The following ARHGEF28 variants were observed in gnomAD, a reference collection of about 807,000 sequenced individuals.
ARHGEF28 encodes 190 kDa guanine nucleotide exchange factor.
ARHGEF28 carries 152 observed loss-of-function variants against 206.6 expected under a neutral mutation model. The observed-to-expected ratio is 0.74, with a 90% CI of 0.64 to 0.84. The LOEUF is 0.84. ARHGEF28 is among the 40% of genes least tolerant of loss of function. The pLI, the probability that ARHGEF28 is intolerant of heterozygous loss-of-function variation, is 0.00. For synonymous variants in ARHGEF28, 763 were observed against 776.4 expected, an observed-to-expected ratio of 0.98 and a Z score of 0.29; for missense variants, 2,028 against 2,073.2, an observed-to-expected ratio of 0.98 and a Z score of 0.42.
chr5:73,864,994 C>A (rs1405930653), intron 17 of ARHGEF28, 122 bp downstream of exon 17: 2 of 811,902 alleles, frequency 2.5e-6, no homozygotes, highest in Non-Finnish European at 3.9e-6. Context: ...ATAGCGATAA[C>A]ATAACATATG....
Position 73,941,157 on chromosome 5 carries a change from T to G in ARHGEF28, c.*144T>G, listed in dbSNP as rs1255852561. On this transcript the variant is annotated 3_prime_UTR_variant, in exon 36 of 36. Transcript: ENST00000513042. ...AATATTTCCTGGAAGCTCATTTTTT[T>G]GGCATGAGTCTAATTAAATTATTGA... is the stretch of plus-strand genomic sequence containing the variant. 1 of 800,614 alleles carries G rather than the reference T, an allele frequency of 1.2e-6. No homozygotes were observed. Among genetic ancestry groups the G allele is most frequent in the East Asian group, 3.6e-5 (1 of 27,646 alleles). The allele number at this position is 800,614 out of a possible 1,614,324, so 49.6% of individuals were successfully genotyped here.
At chr5:73,856,390 G>T (rs1359305272) in intron 14 of ARHGEF28, among the ~76,000 whole-genome samples, 5 of 152,066 alleles carry the variant, frequency 3.3e-5, no homozygotes, top group Admixed American at 6.6e-5. Context: ...CATTTACTGT[G>T]CAGGCTTTAA....
chr5:73,885,991 A>G lies in ARHGEF28; in HGVS notation c.3197A>G (p.Tyr1066Cys). Residue 1066 changes from tyrosine to cysteine, a missense_variant, in exon 25 of 36, where the codon TAC becomes TGC. Coordinates refer to ENST00000513042, the MANE Select transcript of ARHGEF28 (RefSeq NM_001177693.2). ...EILNKIENKTYTKLKNGHVFR... is the reference protein window; with the variant it reads ...EILNKIENKTCTKLKNGHVFR... ...CTAAATAAGATTGAAAACAAAACAT[A>G]CACGAAGCTCAAAAATGGACATGTG... The G allele has an allele frequency of 6.2e-7, 1 of 1,613,876 alleles. No individual in the cohort carries two copies. The highest frequency in any genetic ancestry group is 8.5e-7 in the Non-Finnish European group (1 of 1,179,848).
intron 35 of ARHGEF28, among the ~76,000 whole-genome samples, chr5:73,929,351 G>A (rs1169140241): frequency 1.3e-5 from 2 of 152,052 alleles, no homozygotes; most frequent in African/African-American, 4.8e-5. Context: ...TCATCCATAA[G>A]CATTTCAGTA....
intron 35 of ARHGEF28, among the ~76,000 whole-genome samples, chr5:73,914,652 C>A (rs933417363): frequency 6.6e-6 from 1 of 152,094 alleles, no homozygotes; most frequent in African/African-American, 2.4e-5. Flanking sequence ...TGGCCTTGGC[C>A]TCCCAAAGTG....
chr5:73,801,237 G>C (rs1479260873), intron 9 of ARHGEF28, among the ~76,000 whole-genome samples: 1 of 152,064 alleles, frequency 6.6e-6, no homozygotes, highest in Non-Finnish European at 1.5e-5. Context: ...ACGAGGTCGG[G>C]AGATCGAGAC....
At chr5:73,920,357 G>A (rs1271150083) in intron 35 of ARHGEF28, among the ~76,000 whole-genome samples, 1 of 152,064 alleles carries the variant, frequency 6.6e-6, no homozygotes, top group Non-Finnish European at 1.5e-5. Context: ...CATTAGTATT[G>A]GAGTAAATTT....
At chr5:73,691,323 A>G (rs1468851385) in intron 2 of ARHGEF28, among the ~76,000 whole-genome samples, 3 of 148,982 alleles carry the variant, frequency 2.0e-5, no homozygotes, top group Non-Finnish European at 4.5e-5. Context: ...ACACACACTC[A>G]TGATATTTCA....
intron 3 of ARHGEF28, among the ~76,000 whole-genome samples, chr5:73,751,646 C>T (rs76971468): frequency 0.031 from 4,779 of 152,062 alleles, 260 homozygotes; most frequent in African/African-American, 0.11. Context: ...CATGTGGTGG[C>T]GACTCTCCTC....
chr5:73,904,630 C>T, intron 33 of ARHGEF28: 1 of 524,854 alleles, frequency 1.9e-6, no homozygotes, highest in Non-Finnish European at 3.3e-6. Context: ...TAAAACAGTT[C>T]ATATCTTTAA....
intron 1 of ARHGEF28, among the ~76,000 whole-genome samples, chr5:73,650,620 A>G (rs1016288120): frequency 2.0e-5 from 3 of 151,518 alleles, no homozygotes; most frequent in Non-Finnish European, 4.4e-5. Flanking sequence ...ACCTGTATAC[A>G]TAGGCTTCTT....
chr5:73,813,788 T>C, intron 9 of ARHGEF28: 2 of 1,091,922 alleles, frequency 1.8e-6, no homozygotes, highest in Non-Finnish European at 2.6e-6. Flanking sequence ...TATACGTGCC[T>C]TTATAAAACA....
intron 35 of ARHGEF28, chr5:73,923,080 C>A: frequency 6.5e-7 from 1 of 1,535,084 alleles, no homozygotes; most frequent in Non-Finnish European, 8.7e-7. Flanking sequence ...CCATATTTTG[C>A]ATTCAGGCTC....
At chr5:73,840,214 A>G (rs1332263167) in intron 10 of ARHGEF28, among the ~76,000 whole-genome samples, 1 of 152,116 alleles carries the variant, frequency 6.6e-6, no homozygotes, top group Non-Finnish European at 1.5e-5. Context: ...CCTCCCATTC[A>G]GGCCATTCTC....
At chr5:73,682,642 C>A (rs1291088113) in intron 1 of ARHGEF28, among the ~76,000 whole-genome samples, 1 of 152,164 alleles carries the variant, frequency 6.6e-6, no homozygotes, top group South Asian at 2.1e-4. Flanking sequence ...GAACTCCTGA[C>A]CTGAGGTGAT....
intron 2 of ARHGEF28, among the ~76,000 whole-genome samples, chr5:73,686,382 A>C (rs1747470988): frequency 6.6e-6 from 1 of 152,142 alleles, no homozygotes; most frequent in Admixed American, 6.5e-5. Context: ...CGACCTCCTC[A>C]TGTAGCTATT....
At chr5:73,886,166 A>G in intron 25 of ARHGEF28, 62 bp downstream of exon 25, 1 of 1,520,932 alleles carries the variant, frequency 6.6e-7, no homozygotes, top group Non-Finnish European at 8.8e-7. Flanking sequence ...AACAGAGGAC[A>G]GATTTTCAAA....
intron 4 of ARHGEF28, among the ~76,000 whole-genome samples, chr5:73,770,740 A>G (rs1753178109): frequency 6.6e-6 from 1 of 152,146 alleles, no homozygotes; most frequent in South Asian, 2.1e-4. Flanking sequence ...TCTCTCTTAC[A>G]ACATTTTGGT....
rs1322197182 is a variant in ARHGEF28, at chr5:73,875,236, C to G, written c.2814+1990C>G. Among the ~76,000 whole-genome samples, 233 of 152,120 alleles carry G rather than the reference C, an allele frequency of 1.5e-3. 1 individual carries two copies. Among genetic ancestry groups the G allele is most frequent in the Admixed American group, 0.014 (219 of 15,272 alleles). On this transcript the variant is annotated intron_variant, in intron 22 of 35. Coordinates refer to ENST00000513042, the MANE Select transcript of ARHGEF28 (RefSeq NM_001177693.2). ...TATCTTCTTTTGAGAAGTGTCTGTTCATATCCTTCACCCACTTTTTGATGG... is the reference window on the plus strand; with the variant it reads ...TATCTTCTTTTGAGAAGTGTCTGTTGATATCCTTCACCCACTTTTTGATGG...
Sources: allele counts gnomAD v4.1 joint callset (sites outside exome capture counted in the v4.1 genomes callset), GRCh38; gene constraint gnomAD v4.1.1; transcripts MANE v1.5; gene names NCBI Gene and HGNC (gene_info 2026-07-23, HGNC 2026-07-21).